Variants in CFAP54 observed in about 807,000 individuals in gnomAD.
The protein encoded by CFAP54 is cilia and flagella associated protein 54, also known as cilia- and flagella-associated protein 54.
Under a neutral mutation model 370.4 loss-of-function variants are expected in CFAP54, and 290 were observed. The observed-to-expected ratio is 0.78, with a 90% CI of 0.71 to 0.86. CFAP54 has a LOEUF of 0.86. Ranked by LOEUF, CFAP54 falls within the 40% of genes least tolerant of loss-of-function variation. The pLI, the probability that CFAP54 is intolerant of heterozygous loss-of-function variation, is 0.00. For missense variants in CFAP54, 3,399 were observed against 3,528.7 expected, an observed-to-expected ratio of 0.96 and a Z score of 0.93; for synonymous variants, 1,206 against 1,236.5, an observed-to-expected ratio of 0.98 and a Z score of 0.52.
chr12:96,823,967 A>G (rs1959059872), intron 65 of CFAP54, among the ~76,000 whole-genome samples: 1 of 152,138 alleles, frequency 6.6e-6, no homozygotes, highest in African/African-American at 2.4e-5. Context: ...CCCCCCACCC[A>G]CATTATAGAT....
At chr12:96,675,329 A>G (rs1957193747) in intron 39 of CFAP54, among the ~76,000 whole-genome samples, 1 of 152,240 alleles carries the variant, frequency 6.6e-6, no homozygotes, top group Admixed American at 6.5e-5. Flanking sequence ...CAAAAGACAC[A>G]TGAAAAAATG....
rs1255694255 is a variant in CFAP54, at chr12:96,542,886, C to CT, written c.2077+1899_2077+1900insT. Among the ~76,000 whole-genome samples the CT allele has an allele frequency of 5.3e-5, 8 of 152,250 alleles. No homozygotes were observed. The East Asian group carries it at 1.5e-3, about 29-fold the overall frequency. The stretch of plus-strand genomic sequence containing the variant: ...CTCTCTAATCTCTAGTGGTTTCTCT[C>CT]CTTCATACTCCCCTTTCAAGACGTT... On this transcript the variant is annotated intron_variant, in intron 14 of 67. Coordinates refer to ENST00000524981, the MANE Select transcript of CFAP54 (RefSeq NM_001306084.2).
chr12:96,603,902 G>A (rs12304560), intron 26 of CFAP54, among the ~76,000 whole-genome samples: 72,631 of 151,872 alleles, frequency 0.48, 17,707 homozygotes, highest in Admixed American at 0.53. Context: ...GGGTTAGAAC[G>A]TGTTCCTTTA....
intron 14 of CFAP54, among the ~76,000 whole-genome samples, chr12:96,546,151 A>G (rs1413680225): frequency 2.6e-5 from 4 of 152,138 alleles, no homozygotes; most frequent in African/African-American, 9.7e-5. Context: ...GAGTGGGGAA[A>G]ACAGCAGTCT....
chr12:96,709,608 C>A (rs564431381), intron 48 of CFAP54, among the ~76,000 whole-genome samples: 2 of 151,976 alleles, frequency 1.3e-5, no homozygotes, highest in South Asian at 4.1e-4. Flanking sequence ...GTGGTCCTTG[C>A]TTTTTATTCT....
chr12:96,868,604 C>T (rs74906737), intron 67 of CFAP54, among the ~76,000 whole-genome samples: 2,889 of 151,562 alleles, frequency 0.019, 34 homozygotes, highest in Non-Finnish European at 0.03. Flanking sequence ...TTTAGTTATT[C>T]GTATTTGAAC....
chr12:96,618,511 G>C (rs1956448056), intron 26 of CFAP54, among the ~76,000 whole-genome samples: 1 of 152,144 alleles, frequency 6.6e-6, no homozygotes, highest in African/African-American at 2.4e-5. Flanking sequence ...GGATGGGAGA[G>C]AAGCACTTCC....
Position 96,752,085 on chromosome 12 carries a change from TGAGAGAGAGAGAGAGAGA to T in CFAP54, c.7685-1627_7685-1610del, listed in dbSNP as rs55648812. Among the ~76,000 whole-genome samples the T allele has an allele frequency of 4.0e-3, 366 of 90,626 alleles. 3 individuals carry two copies. Among genetic ancestry groups the T allele is most frequent in the Admixed American group, 5.8e-3 (45 of 7,772 alleles). 59.5% of individuals were successfully genotyped at this position (90,626 alleles called of 152,430 possible). A position where few individuals can be genotyped will look rare whatever the true frequency, so the allele number is the denominator to read the frequency against. Reference sequence around the variant, plus strand: ...AAGGACTCAGTAACTTCTTCCTGGATGAGAGAGAGAGAGAGAGAGAGAGAGAGAGAGAGAGAGAGAGAG... The same window carrying T: ...AAGGACTCAGTAACTTCTTCCTGGATGAGAGAGAGAGAGAGAGAGAGAGAG... On this transcript the variant is annotated intron_variant, in intron 55 of 67. Coordinates refer to ENST00000524981, the MANE Select transcript of CFAP54 (RefSeq NM_001306084.2).
chr12:96,578,630 A>G (rs1956003386), intron 20 of CFAP54, among the ~76,000 whole-genome samples: 1 of 152,216 alleles, frequency 6.6e-6, no homozygotes. Context: ...TTTAGGACTC[A>G]TCAATGAGGA....
At chr12:96,826,156 C>A (rs2136750677) in intron 65 of CFAP54, among the ~76,000 whole-genome samples, 1 of 145,436 alleles carries the variant, frequency 6.9e-6, no homozygotes, top group South Asian at 2.1e-4. Flanking sequence ...AATAAAAAAG[C>A]AAACAACACC....
intron 3 of CFAP54, among the ~76,000 whole-genome samples, chr12:96,504,787 T>C (rs1485944644): frequency 6.6e-6 from 1 of 152,196 alleles, no homozygotes; most frequent in African/African-American, 2.4e-5. Context: ...TCAATTTGGC[T>C]GTACCATAGG....
At chr12:96,612,981 G>C (rs1956375514) in intron 26 of CFAP54, among the ~76,000 whole-genome samples, 1 of 152,094 alleles carries the variant, frequency 6.6e-6, no homozygotes, top group Non-Finnish European at 1.5e-5. Flanking sequence ...AAGTTAAAAA[G>C]GATATACAGG....
chr12:96,695,152 A>T (rs1165079673), intron 45 of CFAP54, among the ~76,000 whole-genome samples: 2 of 152,214 alleles, frequency 1.3e-5, no homozygotes, highest in Non-Finnish European at 2.9e-5. Context: ...ATCTCTAACG[A>T]TGGAATCGGG....
At chr12:96,609,808 C>T (rs1412507339) in intron 26 of CFAP54, among the ~76,000 whole-genome samples, 2 of 151,954 alleles carry the variant, frequency 1.3e-5, no homozygotes, top group Non-Finnish European at 1.5e-5. Flanking sequence ...ACTCATAATA[C>T]ACAATATTTA....
intron 66 of CFAP54, among the ~76,000 whole-genome samples, chr12:96,848,495 G>A (rs1370729537): frequency 1.3e-5 from 2 of 152,048 alleles, no homozygotes; most frequent in Non-Finnish European, 2.9e-5. Flanking sequence ...TCAAGAGATC[G>A]AGACCATCCT....
At chr12:96,662,067 C>G (rs1185008021) in intron 38 of CFAP54, among the ~76,000 whole-genome samples, 1 of 152,178 alleles carries the variant, frequency 6.6e-6, no homozygotes, top group Non-Finnish European at 1.5e-5. Context: ...TGCTCGCTAC[C>G]TCCAACACTC....
At chr12:96,666,623 A>G (rs892666588) in intron 39 of CFAP54, among the ~76,000 whole-genome samples, 10 of 152,180 alleles carry the variant, frequency 6.6e-5, no homozygotes, top group East Asian at 3.9e-4. Flanking sequence ...CTTATTCACT[A>G]TCATGAGAAC....
At position 96,608,052 on chromosome 12, in the gene CFAP54, G is replaced by A. The variant is rs79432842; in HGVS notation, c.3639+9285G>A. 6.6e-5 allele frequency among the ~76,000 whole-genome samples: 10 copies of A among 152,210 alleles called. No homozygotes were observed. The East Asian group carries it at 1.7e-3, about 26-fold the overall frequency. ...CAGAAATCCCAAGACAGGGGAAGAC[G>A]AAAAGGAGAGGAATAATGGGAGCAA... On this transcript the variant is annotated intron_variant, in intron 26 of 67. Transcript: ENST00000524981.
intron 61 of CFAP54, among the ~76,000 whole-genome samples, chr12:96,785,935 A>G (rs1309231734): frequency 6.6e-6 from 1 of 152,152 alleles, no homozygotes; most frequent in Non-Finnish European, 1.5e-5. Context: ...TCCCAGTGGG[A>G]CTGAGCCCTC....
Sources: gnomAD v4.1 joint callset for allele counts (sites outside exome capture counted in the v4.1 genomes callset) on GRCh38, gnomAD v4.1.1 for gene constraint, MANE v1.5 for transcripts, NCBI Gene and HGNC (gene_info 2026-07-23, HGNC 2026-07-21) for gene names.